Variants in CAPZA1 observed in about 807,000 individuals in gnomAD.
The protein encoded by CAPZA1 is F-actin-capping protein subunit alpha-1.
In CAPZA1, 10 loss-of-function variants were observed where a neutral mutation model predicts 40.8. That is an observed-to-expected ratio of 0.25 (90% CI 0.15 to 0.42). CAPZA1 has a LOEUF of 0.42. Among genes scored for constraint, CAPZA1 ranks in the 10% least tolerant of loss-of-function variants. The pLI is 1.00. For missense variants in CAPZA1, 277 were observed against 353.8 expected, an observed-to-expected ratio of 0.78 and a Z score of 1.74; for synonymous variants, 98 against 115.0, an observed-to-expected ratio of 0.85 and a Z score of 0.95.
At chr1:112,630,902 G>T (rs935036659) in intron 1 of CAPZA1, among the ~76,000 whole-genome samples, 15 of 152,148 alleles carry the variant, frequency 9.9e-5, no homozygotes, top group African/African-American at 3.6e-4. Context: ...TGTTATATTC[G>T]TCTTATGTTG....
intron 1 of CAPZA1, among the ~76,000 whole-genome samples, chr1:112,644,639 G>A (rs1399693583): frequency 6.6e-6 from 1 of 152,090 alleles, no homozygotes; most frequent in Non-Finnish European, 1.5e-5. Flanking sequence ...TTTATTGTTA[G>A]ATATACCATG....
intron 7 of CAPZA1, among the ~76,000 whole-genome samples, chr1:112,660,323 A>T (rs1398619597): frequency 6.6e-6 from 1 of 152,170 alleles, no homozygotes; most frequent in African/African-American, 2.4e-5. Flanking sequence ...CTTATTGCCC[A>T]GGCTGGAGGT....
chr1:112,641,193 G>C (rs1671149624), intron 1 of CAPZA1, among the ~76,000 whole-genome samples: 2 of 150,102 alleles, frequency 1.3e-5, no homozygotes, highest in African/African-American at 4.9e-5. Flanking sequence ...ATCCCCCTCT[G>C]TGAGAAACAC....
chr1:112,651,566 T>C (rs1412755011), intron 3 of CAPZA1, among the ~76,000 whole-genome samples: 1 of 152,206 alleles, frequency 6.6e-6, no homozygotes, highest in Non-Finnish European at 1.5e-5. Flanking sequence ...CCCCAAGTTT[T>C]TGGCTTAGGC....
At chr1:112,635,857 C>T (rs1401257997) in intron 1 of CAPZA1, among the ~76,000 whole-genome samples, 4 of 152,048 alleles carry the variant, frequency 2.6e-5, no homozygotes, top group Non-Finnish European at 4.4e-5. Context: ...GGTGAAACCC[C>T]ACCTCTACTA....
At chr1:112,622,532 T>C (rs1670696818) in intron 1 of CAPZA1, among the ~76,000 whole-genome samples, 1 of 152,218 alleles carries the variant, frequency 6.6e-6, no homozygotes, top group African/African-American at 2.4e-5. Flanking sequence ...GTCTATTTCC[T>C]TTATTTCATT....
intron 7 of CAPZA1, among the ~76,000 whole-genome samples, chr1:112,663,912 T>C (rs1671668197): frequency 6.6e-6 from 1 of 152,164 alleles, no homozygotes; most frequent in African/African-American, 2.4e-5. Context: ...CATGCCCATC[T>C]GGATAGAGCC....
intron 1 of CAPZA1, among the ~76,000 whole-genome samples, chr1:112,624,004 T>G (rs1275629106): frequency 4.8e-5 from 1 of 20,860 alleles, no homozygotes; most frequent in South Asian, 2.5e-3. Context: ...AGACTCCATC[T>G]CAAAAAAAAA....
chr1:112,651,224 G>A (rs1236251751), intron 3 of CAPZA1, among the ~76,000 whole-genome samples: 4 of 152,180 alleles, frequency 2.6e-5, no homozygotes, highest in Non-Finnish European at 5.9e-5. Flanking sequence ...AGCGCTTCTG[G>A]AATAAATAGG....
chr1:112,659,281 G>A lies in CAPZA1; in HGVS notation c.506+180G>A, dbSNP rs1332246095. ...TTTATAATTATATTTTCCTTTAAAA[G>A]TTACTCTTATTTTGAGTGAGAACAA... On this transcript the variant is annotated intron_variant, in intron 6 of 9. Coordinates refer to ENST00000263168, the MANE Select transcript of CAPZA1 (RefSeq NM_006135.3). 6 of 581,014 alleles carry A rather than the reference G, an allele frequency of 1.0e-5. No homozygotes were observed. In the Admixed American group the frequency reaches 1.8e-4, roughly 18 times the overall value. The allele number at this position is 581,014 out of a possible 1,614,324, so 36.0% of individuals were successfully genotyped here.
chr1:112,637,623 G>T (rs1671047519), intron 1 of CAPZA1, among the ~76,000 whole-genome samples: 1 of 152,046 alleles, frequency 6.6e-6, no homozygotes, highest in Non-Finnish European at 1.5e-5. Flanking sequence ...AAATTTTCTT[G>T]TTATTTGTAA....
rs967902421 is a variant in CAPZA1 at position 112,654,809 on chromosome 1, A to G, written c.426+138A>G. The G allele has an allele frequency of 2.1e-5, 11 of 534,880 alleles. No individual in the cohort carries two copies. The East Asian group carries it at 2.7e-4, about 13-fold the overall frequency. The allele number at this position is 534,880 out of a possible 1,614,324, so 33.1% of individuals were successfully genotyped here. ...TCCTCTGCATTTTATTCCCTAAATC[A>G]TTTTGGAAAGGGGTATAAATGAAAT... On this transcript the variant is annotated intron_variant, in intron 5 of 9. Coordinates refer to ENST00000263168, the MANE Select transcript of CAPZA1 (RefSeq NM_006135.3).
chr1:112,669,735 T>C (rs1671794589), intron 9 of CAPZA1, 130 bp downstream of exon 9: 1 of 801,400 alleles, frequency 1.2e-6, no homozygotes, highest in East Asian at 2.6e-5. Flanking sequence ...GTGGGAGACT[T>C]TGCAGACCTT....
Position 112,670,357 on chromosome 1 carries a change from T to TTTTTA in CAPZA1, c.*229_*230insATTTT. The stretch of plus-strand genomic sequence containing the variant: ...ACTGCTATATCTACGTGTAAATCTT[T>TTTTTA]TTTTCTTTTTTTTTTTTTTTTTTTG... On this transcript the variant is annotated 3_prime_UTR_variant, in exon 10 of 10. Coordinates refer to ENST00000263168, the MANE Select transcript of CAPZA1 (RefSeq NM_006135.3). 8.5e-6 allele frequency: 3 copies of TTTTTA among 353,284 alleles called. No homozygotes were observed. The highest frequency in any genetic ancestry group is 1.4e-5 in the Non-Finnish European group (3 of 209,788). 21.9% of individuals were successfully genotyped at this position (353,284 alleles called of 1,614,324 possible).
rs554053030 is a variant in CAPZA1 at position 112,659,845 on chromosome 1, G to A, written c.585+66G>A. 2.1e-5 allele frequency: 27 copies of A among 1,273,934 alleles called. No homozygotes were observed. The East Asian group carries it at 6.1e-4, about 29-fold the overall frequency. 78.9% of individuals were successfully genotyped at this position (1,273,934 alleles called of 1,614,324 possible). A position where few individuals can be genotyped will look rare whatever the true frequency, so the allele number is the denominator to read the frequency against. On this transcript the variant is annotated intron_variant, in intron 7 of 9. Coordinates refer to ENST00000263168, the MANE Select transcript of CAPZA1 (RefSeq NM_006135.3). Reference sequence around the variant, plus strand: ...TTTAAAACATGTGCAGGTTGCTTTGGTATTAAATAAGGACCAAGTATGTGT... The same window carrying A: ...TTTAAAACATGTGCAGGTTGCTTTGATATTAAATAAGGACCAAGTATGTGT...
chr1:112,661,466 C>T (rs1671605740), intron 7 of CAPZA1, among the ~76,000 whole-genome samples: 1 of 152,220 alleles, frequency 6.6e-6, no homozygotes, highest in Non-Finnish European at 1.5e-5. Flanking sequence ...CTGTCCCCTA[C>T]TGTAGCTTTG....
intron 1 of CAPZA1, chr1:112,634,647 T>A (rs1670981894): frequency 6.6e-6 from 1 of 152,226 alleles, no homozygotes; most frequent in Admixed American, 6.5e-5. Context: ...ATATTTTAAG[T>A]ATTCTGCTAA....
intron 1 of CAPZA1, among the ~76,000 whole-genome samples, chr1:112,640,835 A>G (rs1369097456): frequency 6.6e-6 from 1 of 152,186 alleles, no homozygotes; most frequent in Non-Finnish European, 1.5e-5. Context: ...GTCTGTGTAG[A>G]AGGAGGTAGA....
At chr1:112,655,538 T>C (rs1054490880) in intron 5 of CAPZA1, among the ~76,000 whole-genome samples, 1 of 152,018 alleles carries the variant, frequency 6.6e-6, no homozygotes, top group Non-Finnish European at 1.5e-5. Flanking sequence ...ATTTTCTTTT[T>C]GTTGTTGTTT....
Sources: gnomAD v4.1 joint callset for allele counts (sites outside exome capture counted in the v4.1 genomes callset) on GRCh38, gnomAD v4.1.1 for gene constraint, MANE v1.5 for transcripts, NCBI Gene and HGNC (gene_info 2026-07-23, HGNC 2026-07-21) for gene names.